Variants in SLC7A14 observed in about 807,000 individuals in gnomAD.
SLC7A14 encodes gamma-aminobutyric acid transporter SLC7A14.
SLC7A14 carries 37 observed loss-of-function variants against 60.2 expected under a neutral mutation model. The ratio of observed to expected loss-of-function variants is 0.61; its 90% CI spans 0.47 to 0.81. The LOEUF is 0.81. Ranked by LOEUF, SLC7A14 falls within the 30% of genes least tolerant of loss-of-function variation. The pLI is 0.00. For synonymous variants in SLC7A14, 399 were observed against 395.8 expected (o/e 1.01, Z -0.10); for missense variants, 886 against 982.7 (o/e 0.90, Z 1.32).
intron 3 of SLC7A14, among the ~76,000 whole-genome samples, chr3:170,499,426 T>C (rs1454490009): frequency 6.6e-6 from 1 of 152,066 alleles, no homozygotes; most frequent in Admixed American, 6.5e-5. Context: ...AAAATTGGGC[T>C]ATGTGGTGTG....
At chr3:170,582,623 A>G (rs1359117760) in intron 1 of SLC7A14, among the ~76,000 whole-genome samples, 1 of 152,174 alleles carries the variant, frequency 6.6e-6, no homozygotes, top group Non-Finnish European at 1.5e-5. Context: ...ATTATACCTT[A>G]ATTGGCTCTA....
At chr3:170,486,483 T>A in intron 4 of SLC7A14, 115 bp from the exon 5 acceptor site, 1 of 1,351,272 alleles carries the variant, frequency 7.4e-7, no homozygotes, top group Non-Finnish European at 1.0e-6. Context: ...GCTGAGGGAG[T>A]AACATGGTGG....
Position 170,477,536 on chromosome 3 carries a change from G to A in SLC7A14, c.1993+2753C>T, listed in dbSNP as rs554010285. Among the ~76,000 whole-genome samples the A allele has an allele frequency of 1.7e-4, 26 of 152,270 alleles. No individual in the cohort carries two copies. In the Middle Eastern group the frequency reaches 0.01, roughly 60 times the overall value. On this transcript the variant is annotated intron_variant, in intron 7 of 7. Coordinates refer to ENST00000231706, the MANE Select transcript of SLC7A14 (RefSeq NM_020949.3). ...AAGTAAGTGAAGCCCTCAGAATAATGGCTGATATGTGATAAGCACGGTACA... is the reference window on the plus strand; with the variant it reads ...AAGTAAGTGAAGCCCTCAGAATAATAGCTGATATGTGATAAGCACGGTACA...
At chr3:170,546,384 G>C (rs1367057991) in intron 1 of SLC7A14, among the ~76,000 whole-genome samples, 2 of 151,990 alleles carry the variant, frequency 1.3e-5, no homozygotes, top group Non-Finnish European at 2.9e-5. Flanking sequence ...ATTTCCCTGT[G>C]ACACACCCTG....
chr3:170,501,536 G>C (rs1439382666), intron 2 of SLC7A14, among the ~76,000 whole-genome samples, 191 bp from the exon 3 acceptor site: 3 of 152,164 alleles, frequency 2.0e-5, no homozygotes, highest in Non-Finnish European at 2.9e-5. Context: ...ATGCAAACTT[G>C]AATGACTAGC....
At chr3:170,554,320 A>T (rs749802835) in intron 1 of SLC7A14, among the ~76,000 whole-genome samples, 2 of 152,208 alleles carry the variant, frequency 1.3e-5, no homozygotes, top group Non-Finnish European at 1.5e-5. Context: ...ATTAACCATG[A>T]GTCAGATGGC....
At chr3:170,486,168 G>A in intron 5 of SLC7A14, 54 bp downstream of exon 5, 1 of 1,600,360 alleles carries the variant, frequency 6.2e-7, no homozygotes, top group Non-Finnish European at 8.5e-7. Context: ...AGAGAAGGGA[G>A]CTCAGTGCCA....
intron 6 of SLC7A14, 40 bp downstream of exon 6, chr3:170,483,274 G>T: frequency 2.5e-6 from 4 of 1,605,288 alleles, no homozygotes; most frequent in Non-Finnish European, 3.4e-6. Flanking sequence ...CTGGACAGAC[G>T]TGGCAGAGCA....
chr3:170,496,197 A>G (rs2108277386), intron 4 of SLC7A14: 1 of 909,338 alleles, frequency 1.1e-6, no homozygotes, highest in South Asian at 1.3e-5. Flanking sequence ...CTCCCTGGAC[A>G]TGGACAGCAT....
rs1037958684 is a variant in SLC7A14 at position 170,532,604 on chromosome 3, G to A, written c.-152-5516C>T. Among the ~76,000 whole-genome samples, 8 of 152,146 alleles carry A rather than the reference G, an allele frequency of 5.3e-5. No individual in the cohort carries two copies. The highest frequency in any genetic ancestry group is 1.9e-4 in the East Asian group (1 of 5,190). On this transcript the variant is annotated intron_variant, in intron 1 of 7. Transcript: ENST00000231706. The surrounding 1 kb of genome is among the most constrained non-coding windows in gnomAD (Gnocchi z 4.0). ...ATACGTGTAGAGCTTTTAGTACCGC[G>A]CCTGGCGTATAGTGCATGCTGTGGG...
chr3:170,510,533 A>G (rs1221650441), intron 2 of SLC7A14, among the ~76,000 whole-genome samples: 2 of 152,172 alleles, frequency 1.3e-5, no homozygotes, highest in African/African-American at 4.8e-5. Flanking sequence ...TTCAAGTATT[A>G]TCTTGTCTGG....
rs756840741 is a variant in SLC7A14, at chr3:170,480,643, G to A, written c.1639C>T (p.Arg547Trp). The A allele has an allele frequency of 1.2e-5, 20 of 1,614,214 alleles. No individual in the cohort carries two copies. The highest frequency in any genetic ancestry group is 2.2e-5 in the East Asian group (1 of 44,890). Reference sequence around the variant, plus strand: ...TCCATTTTGCCTGGAAGGCCCAGCCGGATTCTCATGGTGTAATAATGAGGC... The same window carrying A: ...TCCATTTTGCCTGGAAGGCCCAGCCAGATTCTCATGGTGTAATAATGAGGC... ...IGPHYYTMRI[R>W]LGLPGKMDRP... Residue 547 changes from arginine (R) to tryptophan (W), a missense_variant, in exon 7 of 8, where the codon CGG becomes TGG. Coordinates refer to ENST00000231706, the MANE Select transcript of SLC7A14 (RefSeq NM_020949.3).
chr3:170,485,957 C>T (rs564171643), intron 5 of SLC7A14, among the ~76,000 whole-genome samples: 1 of 152,250 alleles, frequency 6.6e-6, no homozygotes, highest in Non-Finnish European at 1.5e-5. Flanking sequence ...GCACACCAGC[C>T]CCTGGGGCAG....
intron 1 of SLC7A14, among the ~76,000 whole-genome samples, chr3:170,561,294 G>A (rs1714641945): frequency 6.6e-6 from 1 of 152,152 alleles, no homozygotes; most frequent in Admixed American, 6.5e-5. Context: ...TTTTTTAAGT[G>A]ATCCACAGAC....
At chr3:170,515,101 T>G (rs2108287976) in intron 2 of SLC7A14, among the ~76,000 whole-genome samples, 1 of 152,048 alleles carries the variant, frequency 6.6e-6, no homozygotes, top group South Asian at 2.1e-4. Flanking sequence ...TCACCTGAGG[T>G]CAGGAGTTCT....
chr3:170,485,878 C>T (rs1295271081), intron 5 of SLC7A14, among the ~76,000 whole-genome samples: 1 of 152,164 alleles, frequency 6.6e-6, no homozygotes, highest in Non-Finnish European at 1.5e-5. Context: ...CCCACAATGC[C>T]TTTGCTTGCA....
intron 7 of SLC7A14, among the ~76,000 whole-genome samples, chr3:170,475,555 G>A (rs1219037077): frequency 1.3e-5 from 2 of 152,114 alleles, no homozygotes; most frequent in African/African-American, 4.8e-5. Flanking sequence ...AATAGTTTTT[G>A]AAAAACAAGT....
chr3:170,510,518 A>G (rs1712946192), intron 2 of SLC7A14, among the ~76,000 whole-genome samples: 1 of 152,212 alleles, frequency 6.6e-6, no homozygotes, highest in Non-Finnish European at 1.5e-5. Context: ...CTATAATATG[A>G]GGAATTCAAG....
chr3:170,571,607 C>T lies in SLC7A14; in HGVS notation c.-153+14304G>A, dbSNP rs1714957286. ...TTTTAGCAACAATATTGTTTAGCAA[C>T]ATTACTCAAGAAAATGGTTCCTATC... On this transcript the variant is annotated intron_variant, in intron 1 of 7. Coordinates refer to ENST00000231706, the MANE Select transcript of SLC7A14 (RefSeq NM_020949.3). 2.6e-5 allele frequency among the ~76,000 whole-genome samples: 4 copies of T among 152,174 alleles called. No individual in the cohort carries two copies. In the South Asian group the frequency reaches 8.3e-4, roughly 31 times the overall value.
Sources: allele counts gnomAD v4.1 joint callset (sites outside exome capture counted in the v4.1 genomes callset), GRCh38; gene constraint gnomAD v4.1.1; non-coding constraint Gnocchi (gnomAD v3.1); transcripts MANE v1.5; gene names NCBI Gene and HGNC (gene_info 2026-07-23, HGNC 2026-07-21).